Variants in GLI3 observed in about 807,000 individuals in gnomAD.
GLI3 encodes the protein GLI family zinc finger 3, also known as transcription activator GLI3.
A neutral mutation model predicts 100.8 loss-of-function variants in GLI3; 20 were observed. That is an observed-to-expected ratio of 0.20 (90% confidence interval 0.14 to 0.29). GLI3 has a LOEUF of 0.29. Ranked by LOEUF, GLI3 falls within the 10% of genes least tolerant of loss-of-function variation. GLI3 has a pLI of 1.00. For missense variants in GLI3, 2,040 were observed against 2,128.5 expected (o/e 0.96, Z 0.82); for synonymous variants, 938 against 860.5 (o/e 1.09, Z -1.58).
At chr7:42,116,841 CTTA>C (rs889035186) in intron 3 of GLI3, among the ~76,000 whole-genome samples, 6 of 125,556 alleles carry the variant, frequency 4.8e-5, no homozygotes. Context: ...TAAGAGACCT[CTTA>C]TTATGGTCTC....
At chr7:42,158,220 G>T (rs903750840) in intron 2 of GLI3, among the ~76,000 whole-genome samples, 1 of 152,252 alleles carries the variant, frequency 6.6e-6, no homozygotes, top group African/African-American at 2.4e-5. Flanking sequence ...TAAACGCCAG[G>T]CCAGTGCTAT....
chr7:42,237,596 C>T (rs1319339236), upstream of GLI3, among the ~76,000 whole-genome samples: 3 of 151,724 alleles, frequency 2.0e-5, no homozygotes, highest in Non-Finnish European at 4.4e-5. Flanking sequence ...CGCTCCTCCT[C>T]CCCCAAGTTT....
chr7:42,152,790 C>T (rs1786904574), intron 2 of GLI3, among the ~76,000 whole-genome samples: 1 of 152,212 alleles, frequency 6.6e-6, no homozygotes, highest in South Asian at 2.1e-4. Flanking sequence ...ACCAAGTACT[C>T]TGTATTGACT....
At chr7:42,088,310 T>C (rs1359483148) in intron 3 of GLI3, among the ~76,000 whole-genome samples, 1 of 152,208 alleles carries the variant, frequency 6.6e-6, no homozygotes, top group African/African-American at 2.4e-5. Flanking sequence ...GATGTGCAGA[T>C]AAAAAGCCCC....
intron 10 of GLI3, among the ~76,000 whole-genome samples, chr7:41,992,760 CA>C (rs1260761634): frequency 1.3e-5 from 2 of 152,052 alleles, no homozygotes; most frequent in Non-Finnish European, 2.9e-5. Flanking sequence ...TGGAGGACCC[CA>C]AAAGAAGCGA....
At chr7:42,217,151 C>T (rs1201150820) in intron 2 of GLI3, among the ~76,000 whole-genome samples, 1 of 152,080 alleles carries the variant, frequency 6.6e-6, no homozygotes, top group African/African-American at 2.4e-5. Context: ...TTTCACCACA[C>T]AGTACAGTAG....
At chr7:42,013,394 C>T (rs919561394) in intron 10 of GLI3, among the ~76,000 whole-genome samples, 2 of 119,538 alleles carry the variant, frequency 1.7e-5, no homozygotes, top group Non-Finnish European at 3.4e-5. Context: ...AAATAAGACA[C>T]ACCTTATTTT....
At position 42,045,463 on chromosome 7, in the gene GLI3, G is replaced by T. The variant is rs976835805; in HGVS notation, c.747C>A (p.Ser249Arg). The T allele has an allele frequency of 4.3e-6, 7 of 1,613,730 alleles. No homozygotes were observed. The highest frequency in any genetic ancestry group is 5.9e-6 in the Non-Finnish European group (7 of 1,179,698). The change falls in exon 6 of 15, where the codon AGC becomes AGA. Residue 249 changes from serine (S) to arginine (R), a missense_variant. Coordinates refer to ENST00000395925, the MANE Select transcript of GLI3 (RefSeq NM_000168.6). ...HQMALLTGQR[S>R]PYADIIPSAA... ...CTGAGGGAATAATGTCTGCATAGGGGCTGCGCTGGCCAGTTAGCAGGGCCA... is the reference window on the plus strand; with the variant it reads ...CTGAGGGAATAATGTCTGCATAGGGTCTGCGCTGGCCAGTTAGCAGGGCCA...
chr7:42,182,478 C>T (rs982545429), intron 2 of GLI3, among the ~76,000 whole-genome samples: 2 of 150,864 alleles, frequency 1.3e-5, no homozygotes, highest in African/African-American at 4.9e-5. Flanking sequence ...AACGCATGCT[C>T]TTTACCCAAA....
At chr7:42,250,190 C>T (rs182504265) in intron 1 of GLI3, among the ~76,000 whole-genome samples, 39 of 152,286 alleles carry the variant, frequency 2.6e-4, no homozygotes, top group Admixed American at 2.4e-3. Flanking sequence ...TGAAGGCTTA[C>T]CCAAGACTTG....
intron 7 of GLI3, among the ~76,000 whole-genome samples, chr7:42,033,028 G>A (rs911367301): frequency 2.6e-5 from 4 of 152,210 alleles, no homozygotes; most frequent in Non-Finnish European, 5.9e-5. Flanking sequence ...AGGAAGCTGA[G>A]CAGAAAGGAA....
chr7:42,066,307 G>C (rs923226591), intron 4 of GLI3, among the ~76,000 whole-genome samples: 1 of 151,996 alleles, frequency 6.6e-6, no homozygotes, highest in Non-Finnish European at 1.5e-5. Context: ...TACACTCGGG[G>C]GAAGGGGGTG....
intron 2 of GLI3, among the ~76,000 whole-genome samples, chr7:42,188,062 T>A (rs998221795): frequency 3.4e-5 from 5 of 147,352 alleles, no homozygotes; most frequent in Admixed American, 3.4e-4. Flanking sequence ...GAGAACATCA[T>A]GTAAAGATAA....
intron 1 of GLI3, among the ~76,000 whole-genome samples, chr7:42,259,064 G>A (rs73098313): frequency 0.063 from 9,639 of 152,280 alleles, 419 homozygotes; most frequent in Non-Finnish European, 0.093. Flanking sequence ...TTGGTCACCT[G>A]TTAACATTAC....
rs149377830 is a variant in GLI3 at position 42,154,201 on chromosome 7, G to A, written c.125-5733C>T. 2.8e-4 allele frequency among the ~76,000 whole-genome samples: 42 copies of A among 152,102 alleles called. 1 individual carries two copies. The highest frequency in any genetic ancestry group is 9.9e-4 in the African/African-American group (41 of 41,498). On this transcript the variant is annotated intron_variant, in intron 2 of 14. Coordinates refer to ENST00000395925, the MANE Select transcript of GLI3 (RefSeq NM_000168.6). ...CATAAATCCACTCCTGGGAAACACC[G>A]ACAGAAGCCCAAATGACAAATCTAT...
At chr7:42,182,656 A>ATATATATATATATATATATACACATGTG (rs1562775691) in intron 2 of GLI3, among the ~76,000 whole-genome samples, 1 of 53,700 alleles carries the variant, frequency 1.9e-5, no homozygotes, top group South Asian at 6.6e-4. Flanking sequence ...ATATATATAT[A>ATATATATATATATATATATACACATGTG]TATATATATA....
Position 42,107,980 on chromosome 7 carries a change from T to C in GLI3, c.368-31123A>G, listed in dbSNP as rs1785614747. 2.0e-5 allele frequency among the ~76,000 whole-genome samples: 3 copies of C among 152,228 alleles called. No individual in the cohort carries two copies. In the East Asian group the frequency reaches 5.8e-4, roughly 29 times the overall value. ...AGTCTGAGAATCCAAAGGGGTTTTA[T>C]GTGCCTCACATTCATAAATCCTCAA... is the stretch of plus-strand genomic sequence containing the variant. On this transcript the variant is annotated intron_variant, in intron 3 of 14. Coordinates refer to ENST00000395925, the MANE Select transcript of GLI3 (RefSeq NM_000168.6).
At chr7:42,164,348 T>C (rs944357059) in intron 2 of GLI3, among the ~76,000 whole-genome samples, 11 of 151,422 alleles carry the variant, frequency 7.3e-5, no homozygotes, top group African/African-American at 4.9e-5. Context: ...GGTGAAACCC[T>C]ATCTCTACAC....
At chr7:42,043,314 C>A (rs1020820084) in intron 6 of GLI3, among the ~76,000 whole-genome samples, 2 of 152,132 alleles carry the variant, frequency 1.3e-5, no homozygotes, top group African/African-American at 4.8e-5. Flanking sequence ...AACTTTCCAG[C>A]CCTTTAATAT....
Sources: allele counts gnomAD v4.1 joint callset (sites outside exome capture counted in the v4.1 genomes callset), GRCh38; gene constraint gnomAD v4.1.1; transcripts MANE v1.5; gene names NCBI Gene and HGNC (gene_info 2026-07-23, HGNC 2026-07-21).